Variants in PCDHA2 observed in about 807,000 individuals in gnomAD.
PCDHA2 encodes the protein protocadherin alpha 2.
PCDHA2 carries 58 observed loss-of-function variants against 66.0 expected under a neutral mutation model. The ratio of observed to expected loss-of-function variants is 0.88; its 90% CI spans 0.71 to 1.09. PCDHA2 has a LOEUF of 1.09. Among genes scored for constraint, PCDHA2 ranks in the 50% least tolerant of loss-of-function variants. PCDHA2 has a pLI of 0.00. For missense variants in PCDHA2, 1,267 were observed against 1,242.3 expected (o/e 1.02, Z -0.30); for synonymous variants, 634 against 554.0 (o/e 1.14, Z -2.03).
chr5:140,824,159 C>T (rs1554129770), intron 1 of PCDHA2: 3 of 1,611,382 alleles, frequency 1.9e-6, no homozygotes, highest in Middle Eastern at 1.7e-4. Context: ...TCCATCTTTC[C>T]CTCCCAATTT....
intron 1 of PCDHA2, chr5:140,861,381 G>T: frequency 2.3e-6 from 1 of 433,922 alleles, no homozygotes; most frequent in African/African-American, 2.0e-5. Context: ...TATTGCGCAG[G>T]ACCTGGGTCT....
Position 140,876,461 on chromosome 5 carries a change from T to C in PCDHA2, c.2388+79109T>C, listed in dbSNP as rs782233071. 28 of 1,613,936 alleles carry C rather than the reference T, an allele frequency of 1.7e-5. No homozygotes were observed. In the East Asian group the frequency reaches 5.8e-4, roughly 33 times the overall value. ...GCCATTGATAAAGGGATTCCTTCCA[T>C]GGCAGGTCACAGCATGGTCCTGGTG... On this transcript the variant is annotated intron_variant, in intron 1 of 3. Coordinates refer to ENST00000526136, the MANE Select transcript of PCDHA2 (RefSeq NM_018905.3).
At chr5:140,863,413 T>C (rs1581689381) in intron 1 of PCDHA2, 1 of 735,446 alleles carries the variant, frequency 1.4e-6, no homozygotes, top group Non-Finnish European at 2.3e-6. Flanking sequence ...CACGCTGGTG[T>C]ACCGCAGCGT....
At chr5:140,872,977 GC>G (rs1326111410) in intron 1 of PCDHA2, among the ~76,000 whole-genome samples, 3 of 152,086 alleles carry the variant, frequency 2.0e-5, no homozygotes, top group African/African-American at 7.2e-5. Context: ...GAAGATTTGA[GC>G]AAAGATCATT....
chr5:140,823,657 G>C, intron 1 of PCDHA2: 1 of 1,613,998 alleles, frequency 6.2e-7, no homozygotes, highest in Non-Finnish European at 8.5e-7. Context: ...GCTGTACACA[G>C]GCGAGATCAG....
chr5:140,848,559 G>C, intron 1 of PCDHA2: 1 of 1,595,568 alleles, frequency 6.3e-7, no homozygotes, highest in Non-Finnish European at 8.6e-7. Context: ...TCTGATCCTC[G>C]CAATGTGGGT....
At chr5:141,002,232 A>G (rs2098067070) in intron 3 of PCDHA2, among the ~76,000 whole-genome samples, 2 of 152,226 alleles carry the variant, frequency 1.3e-5, no homozygotes, top group African/African-American at 4.8e-5. Flanking sequence ...GTTTTCTGGA[A>G]GCTCTTTATT....
intron 1 of PCDHA2, among the ~76,000 whole-genome samples, chr5:140,819,469 A>G (rs1456251463): frequency 6.6e-6 from 1 of 152,158 alleles, no homozygotes; most frequent in African/African-American, 2.4e-5. Flanking sequence ...ACTTCTGTTT[A>G]CACAATGATG....
At chr5:140,839,335 G>T (rs923438912) in intron 1 of PCDHA2, among the ~76,000 whole-genome samples, 4 of 151,494 alleles carry the variant, frequency 2.6e-5, no homozygotes, top group Non-Finnish European at 4.4e-5. Flanking sequence ...ACCTGAAGTT[G>T]ATAGGGGATC....
At chr5:140,846,935 A>G (rs2150395961) in intron 1 of PCDHA2, among the ~76,000 whole-genome samples, 1 of 149,782 alleles carries the variant, frequency 6.7e-6, no homozygotes, top group African/African-American at 2.4e-5. Flanking sequence ...TTTTGAAGAA[A>G]TACTTGAAGG....
chr5:140,856,705 T>C lies in PCDHA2; in HGVS notation c.2388+59353T>C, dbSNP rs1180012715. 2.5e-6 allele frequency: 4 copies of C among 1,596,614 alleles called. No homozygotes were observed. The African/African-American group carries it at 5.4e-5, about 22-fold the overall frequency. ...TGACAGCAACTGATGGAGGCAAACC[T>C]GAATTTACCGGATCTGTTTCTCTGC... On this transcript the variant is annotated intron_variant, in intron 1 of 3. Transcript: ENST00000526136.
intron 1 of PCDHA2, chr5:140,869,000 C>A: frequency 2.0e-6 from 3 of 1,518,418 alleles, no homozygotes; most frequent in Non-Finnish European, 2.6e-6. Flanking sequence ...GTTTAAGGAT[C>A]CTTTGAAACT....
rs782801879 is a variant in PCDHA2 at position 140,858,260 on chromosome 5, G to T, written c.2388+60908G>T. The T allele has an allele frequency of 2.0e-5, 32 of 1,597,092 alleles. 2 individuals carry two copies. The highest frequency in any genetic ancestry group is 2.7e-5 in the Non-Finnish European group (32 of 1,166,970). On this transcript the variant is annotated intron_variant, in intron 1 of 3. Coordinates refer to ENST00000526136, the MANE Select transcript of PCDHA2 (RefSeq NM_018905.3). ...ATGTGGGCCGGTGAAGCCCACGCTG[G>T]TGTGCTCTAGCGCGGTGGGGAGCTG...
chr5:140,809,196 T>C, intron 1 of PCDHA2: 3 of 1,614,016 alleles, frequency 1.9e-6, no homozygotes, highest in South Asian at 2.2e-5. Context: ...GTGTCACTTG[T>C]GGAGAGTGGA....
intron 1 of PCDHA2, among the ~76,000 whole-genome samples, chr5:140,954,127 T>A (rs530320994): frequency 2.6e-5 from 4 of 152,372 alleles, no homozygotes; most frequent in Non-Finnish European, 5.9e-5. Context: ...TTCCTTTTTA[T>A]GGATGCATAG....
At chr5:140,821,299 A>G (rs1290042518) in intron 1 of PCDHA2, among the ~76,000 whole-genome samples, 1 of 152,208 alleles carries the variant, frequency 6.6e-6, no homozygotes, top group Non-Finnish European at 1.5e-5. Context: ...TCCTCCCTAT[A>G]TAAAATACAC....
rs1162004111 is a variant in PCDHA2, at chr5:140,853,967, G to A, written c.2388+56615G>A. ...GAGGGTCCCTTCCTTGAGCCCAGCAGTTTGAGACCAATGTAGTGAGACTCA... is the reference window on the plus strand; with the variant it reads ...GAGGGTCCCTTCCTTGAGCCCAGCAATTTGAGACCAATGTAGTGAGACTCA... On this transcript the variant is annotated intron_variant, in intron 1 of 3. Coordinates refer to ENST00000526136, the MANE Select transcript of PCDHA2 (RefSeq NM_018905.3). The A allele has an allele frequency of 7.7e-6, 5 of 646,708 alleles. No homozygotes were observed. The East Asian group carries it at 4.0e-4, about 51-fold the overall frequency. The allele number at this position is 646,708 out of a possible 1,614,324, so 40.1% of individuals were successfully genotyped here.
chr5:140,916,563 G>A (rs2077621809), intron 1 of PCDHA2, among the ~76,000 whole-genome samples: 1 of 152,198 alleles, frequency 6.6e-6, no homozygotes, highest in African/African-American at 2.4e-5. Context: ...TGTCCAGGGT[G>A]TGTCTAGAAA....
chr5:140,871,919 A>G (rs1434717967), intron 1 of PCDHA2, among the ~76,000 whole-genome samples: 1 of 152,216 alleles, frequency 6.6e-6, no homozygotes, highest in African/African-American at 2.4e-5. Context: ...TGATATTTCC[A>G]CATTGTTAGA....
Sources: allele counts gnomAD v4.1 joint callset (sites outside exome capture counted in the v4.1 genomes callset), GRCh38; gene constraint gnomAD v4.1.1; transcripts MANE v1.5; gene names NCBI Gene and HGNC (gene_info 2026-07-23, HGNC 2026-07-21).